Variants in BAZ2B observed in about 807,000 individuals in gnomAD.
BAZ2B encodes bromodomain adjacent to zinc finger domain 2B.
BAZ2B carries 91 observed loss-of-function variants against 246.0 expected under a neutral mutation model. The ratio of observed to expected loss-of-function variants is 0.37; its 90% CI spans 0.31 to 0.44. The LOEUF (loss-of-function observed/expected upper bound fraction) is 0.44. BAZ2B is among the 20% of genes least tolerant of loss of function. The pLI is 1.00. For synonymous variants in BAZ2B, 855 were observed against 860.0 expected, an observed-to-expected ratio of 0.99 and a Z score of 0.10; for missense variants, 2,332 against 2,533.7, an observed-to-expected ratio of 0.92 and a Z score of 1.71.
the BAZ2B span, among the ~76,000 whole-genome samples, chr2:159,647,345 A>G: frequency 6.6e-6 from 1 of 152,336 alleles, no homozygotes; most frequent in Admixed American, 6.5e-5. Context: ...TGAAGGCAAG[A>G]AAAGTCCAGT....
the BAZ2B span, among the ~76,000 whole-genome samples, chr2:159,679,645 TC>T: frequency 1.3e-5 from 2 of 152,224 alleles, no homozygotes; most frequent in African/African-American, 4.8e-5. Context: ...TTTAAATAAA[TC>T]CTTTCAATGC....
chr2:159,705,102 C>A, the BAZ2B span, among the ~76,000 whole-genome samples: 3 of 151,314 alleles, frequency 2.0e-5, no homozygotes, highest in Admixed American at 2.0e-4. Flanking sequence ...CTCACAGAAA[C>A]CTCTGCCTCC....
intron 25 of BAZ2B, among the ~76,000 whole-genome samples, chr2:159,377,275 G>T (rs1559168221): frequency 6.6e-6 from 1 of 152,088 alleles, no homozygotes; most frequent in African/African-American, 2.4e-5. Flanking sequence ...GAACTAATGT[G>T]CCTAACTTAT....
chr2:159,692,589 G>A, the BAZ2B span, among the ~76,000 whole-genome samples: 7 of 152,180 alleles, frequency 4.6e-5, no homozygotes, highest in African/African-American at 9.6e-5. Context: ...GGTGGCACAC[G>A]CCTGTAATCG....
chr2:159,383,783 A>C, intron 23 of BAZ2B, 103 bp from the exon 24 acceptor site: 1 of 959,976 alleles, frequency 1.0e-6, no homozygotes, highest in Non-Finnish European at 1.6e-6. Flanking sequence ...GCATTTTTGA[A>C]TAAGTAAAAA....
intron 14 of BAZ2B, among the ~76,000 whole-genome samples, chr2:159,411,424 TTATAC>T (rs2066820047): frequency 1.3e-5 from 2 of 152,202 alleles, no homozygotes; most frequent in African/African-American, 2.4e-5. Flanking sequence ...ATTAAGTCTT[TTATAC>T]ATTTCCTCCA....
chr2:159,500,132 A>G (rs917643713), intron 2 of BAZ2B, among the ~76,000 whole-genome samples: 1 of 152,096 alleles, frequency 6.6e-6, no homozygotes, highest in Admixed American at 6.5e-5. Flanking sequence ...ATTTTCTTCT[A>G]GGGTTTTTAT....
the BAZ2B span, among the ~76,000 whole-genome samples, chr2:159,640,724 G>GT: frequency 1.3e-5 from 2 of 151,798 alleles, no homozygotes; most frequent in Admixed American, 6.6e-5. Flanking sequence ...ATTTATGGCT[G>GT]TAAGTACCTA....
the BAZ2B span, among the ~76,000 whole-genome samples, chr2:159,686,099 CA>C: frequency 6.6e-6 from 1 of 152,094 alleles, no homozygotes; most frequent in Non-Finnish European, 1.5e-5. Flanking sequence ...CTTGTCTCTA[CA>C]AAAAATTTAA....
chr2:159,470,275 G>A (rs999326915), intron 3 of BAZ2B, among the ~76,000 whole-genome samples: 5 of 152,190 alleles, frequency 3.3e-5, no homozygotes, highest in Admixed American at 6.5e-5. Context: ...AGCAAAGAAC[G>A]AATAGAAGGG....
At chr2:159,406,134 T>C (rs1207567844) in intron 14 of BAZ2B, among the ~76,000 whole-genome samples, 1 of 152,240 alleles carries the variant, frequency 6.6e-6, no homozygotes, top group Non-Finnish European at 1.5e-5. Flanking sequence ...AGGTGGAATA[T>C]ATTTTCCCGT....
At chr2:159,424,308 T>G (rs1165400983) in intron 13 of BAZ2B, among the ~76,000 whole-genome samples, 1 of 152,166 alleles carries the variant, frequency 6.6e-6, no homozygotes, top group Non-Finnish European at 1.5e-5. Context: ...TGAGGGGACT[T>G]GTTTTTGTTT....
intron 3 of BAZ2B, among the ~76,000 whole-genome samples, chr2:159,471,713 C>T (rs573115335): frequency 6.6e-6 from 1 of 152,170 alleles, no homozygotes; most frequent in East Asian, 1.9e-4. Context: ...TGATAAAGTA[C>T]AGAAGAAATG....
chr2:159,454,965 C>G (rs2150494092), intron 3 of BAZ2B, among the ~76,000 whole-genome samples: 1 of 152,186 alleles, frequency 6.6e-6, no homozygotes, highest in South Asian at 2.1e-4. Context: ...TTTTCTAATA[C>G]TTGGAAATCT....
chr2:159,385,248 T>C lies in BAZ2B; in HGVS notation c.3593A>G (p.Lys1198Arg). 1 of 1,613,570 alleles carries C rather than the reference T, an allele frequency of 6.2e-7. No individual in the cohort carries two copies. Among genetic ancestry groups the C allele is most frequent in the Non-Finnish European group, 8.5e-7 (1 of 1,179,670 alleles). The change falls in exon 23 of 37, where the codon AAG becomes AGG. Residue 1198 changes from lysine to arginine, a missense_variant. Physicochemically the swap from Lys to Arg is conservative, Grantham distance 26 (BLOSUM62 2). This residue lies in a region of BAZ2B where 328 missense variants were observed against 410.4 expected (regional missense o/e 0.80). Transcript: ENST00000392783. Reference protein sequence around the residue: ...CGQTELTESLKTKAFQAHTPA... With the variant: ...CGQTELTESLRTKAFQAHTPA... ...AGTGTGAGCCTGAAAAGCTTTGGTCTTCAGACTTTCAGTAAGCTCAGTTTG... is the reference window on the plus strand; with the variant it reads ...AGTGTGAGCCTGAAAAGCTTTGGTCCTCAGACTTTCAGTAAGCTCAGTTTG...
At chr2:159,691,296 T>G in the BAZ2B span, among the ~76,000 whole-genome samples, 5 of 152,320 alleles carry the variant, frequency 3.3e-5, no homozygotes, top group African/African-American at 1.2e-4. Context: ...GACTCCCTAC[T>G]CAGGTGAAAA....
At chr2:159,579,635 A>C (rs1293664976) in intron 1 of BAZ2B, among the ~76,000 whole-genome samples, 1 of 152,228 alleles carries the variant, frequency 6.6e-6, no homozygotes, top group African/African-American at 2.4e-5. Flanking sequence ...AGATAATTTT[A>C]GACCAATATC....
At chr2:159,406,763 T>C (rs2065997024) in intron 14 of BAZ2B, among the ~76,000 whole-genome samples, 1 of 152,060 alleles carries the variant, frequency 6.6e-6, no homozygotes, top group South Asian at 2.1e-4. Flanking sequence ...TTCTTTCTTT[T>C]CTTTTTTTTT....
intron 1 of BAZ2B, among the ~76,000 whole-genome samples, chr2:159,572,602 ATATTT>A (rs1200018174): frequency 3.3e-5 from 5 of 151,328 alleles, no homozygotes; most frequent in Non-Finnish European, 5.9e-5. Flanking sequence ...AACTACTCAT[ATATTT>A]TATTATTATT....
Sources: allele counts gnomAD v4.1 joint callset (sites outside exome capture counted in the v4.1 genomes callset), GRCh38; gene constraint gnomAD v4.1.1; regional missense constraint gnomAD v4.1.1; transcripts MANE v1.5; gene names NCBI Gene and HGNC (gene_info 2026-07-23, HGNC 2026-07-21).